Variants in PLXDC2 observed in about 807,000 individuals in gnomAD.
PLXDC2 encodes the protein plexin domain containing 2.
A neutral mutation model predicts 68.9 loss-of-function variants in PLXDC2; 40 were observed. The ratio of observed to expected loss-of-function variants is 0.58; its 90% CI spans 0.45 to 0.76. The LOEUF (loss-of-function observed/expected upper bound fraction) is 0.76, where lower values mean the gene tolerates loss of function less well. Among genes scored for constraint, PLXDC2 ranks in the 30% least tolerant of loss-of-function variants. PLXDC2 has a pLI of 0.00. For synonymous variants in PLXDC2, 243 were observed against 234.2 expected, an observed-to-expected ratio of 1.04 and a Z score of -0.34; for missense variants, 644 against 661.9, an observed-to-expected ratio of 0.97 and a Z score of 0.30.
chr10:20,231,146 A>G lies in PLXDC2; in HGVS notation c.1312+12044A>G, dbSNP rs571807349. On this transcript the variant is annotated intron_variant, in intron 12 of 13. Coordinates refer to ENST00000377252, the MANE Select transcript of PLXDC2 (RefSeq NM_032812.9). ...ATATTGTGTGCTGTAAATATATACA[A>G]TTTTTATTTGTCAATTATGCTTAAT... is the stretch of plus-strand genomic sequence containing the variant. Among the ~76,000 whole-genome samples the G allele has an allele frequency of 1.4e-4, 21 of 151,706 alleles. 2 individuals carry two copies. The South Asian group carries it at 4.4e-3, about 31-fold the overall frequency.
intron 1 of PLXDC2, among the ~76,000 whole-genome samples, chr10:19,933,680 G>A (rs562569294): frequency 1.9e-4 from 29 of 151,416 alleles, no homozygotes; most frequent in South Asian, 4.2e-4. Context: ...AAACACACAC[G>A]CGTGCACACA....
chr10:20,044,244 T>TCTTTCTTTCTTTCTTTCTTA, intron 2 of PLXDC2, among the ~76,000 whole-genome samples: 1 of 119,246 alleles, frequency 8.4e-6, no homozygotes, highest in African/African-American at 3.9e-5. Flanking sequence ...TTTCTTTCTT[T>TCTTTCTTTCTTTCTTTCTTA]CTTTCTTTCT....
At chr10:20,150,877 T>C (rs968744226) in intron 6 of PLXDC2, among the ~76,000 whole-genome samples, 1 of 152,202 alleles carries the variant, frequency 6.6e-6, no homozygotes, top group African/African-American at 2.4e-5. Context: ...TTCATTTTAA[T>C]CAAAGAAAAA....
At chr10:19,958,223 T>C (rs748988609) in intron 1 of PLXDC2, among the ~76,000 whole-genome samples, 74 of 152,192 alleles carry the variant, frequency 4.9e-4, no homozygotes, top group African/African-American at 1.6e-3. Flanking sequence ...TCAAGCCTGA[T>C]TGTATAGCAG....
chr10:20,010,054 A>G (rs1176343481), intron 2 of PLXDC2, among the ~76,000 whole-genome samples: 1 of 152,130 alleles, frequency 6.6e-6, no homozygotes. Context: ...CATTCATTTA[A>G]ATTAATCAAT....
At chr10:20,166,867 C>A (rs1293357911) in intron 7 of PLXDC2, among the ~76,000 whole-genome samples, 1 of 151,976 alleles carries the variant, frequency 6.6e-6, no homozygotes, top group East Asian at 1.9e-4. Context: ...ATAACTGTTA[C>A]GTGTTGGGGG....
At chr10:20,222,992 AGAG>A in intron 12 of PLXDC2, among the ~76,000 whole-genome samples, 1 of 152,346 alleles carries the variant, frequency 6.6e-6, no homozygotes, top group Admixed American at 6.5e-5. Flanking sequence ...AGGAGGAAGA[AGAG>A]GAGAAGGGAC....
intron 4 of PLXDC2, among the ~76,000 whole-genome samples, chr10:20,091,252 C>G (rs980396723): frequency 6.6e-6 from 1 of 152,174 alleles, no homozygotes; most frequent in Non-Finnish European, 1.5e-5. Flanking sequence ...ACCAGCATAC[C>G]TTTCCCCCTG....
chr10:20,162,299 A>G (rs1251780488), intron 6 of PLXDC2, among the ~76,000 whole-genome samples: 2 of 152,210 alleles, frequency 1.3e-5, no homozygotes. Context: ...CATGTACTAT[A>G]CATAATGACA....
intron 7 of PLXDC2, among the ~76,000 whole-genome samples, chr10:20,171,710 T>C (rs1272194708): frequency 3.3e-5 from 5 of 152,186 alleles, no homozygotes; most frequent in African/African-American, 1.2e-4. Flanking sequence ...AGGGAAGGCT[T>C]TCTTCATGGA....
intron 1 of PLXDC2, among the ~76,000 whole-genome samples, chr10:19,977,101 A>G (rs1407013869): frequency 6.6e-6 from 1 of 152,020 alleles, no homozygotes; most frequent in African/African-American, 2.4e-5. Flanking sequence ...TCACTTGTTT[A>G]TATTAGAGGC....
intron 4 of PLXDC2, among the ~76,000 whole-genome samples, chr10:20,140,801 A>G (rs750511827): frequency 1.3e-5 from 2 of 152,086 alleles, no homozygotes; most frequent in African/African-American, 2.4e-5. Flanking sequence ...AAAACAAACA[A>G]TATTCCCTGA....
chr10:20,073,745 A>G (rs563072777), intron 4 of PLXDC2, among the ~76,000 whole-genome samples: 1 of 152,204 alleles, frequency 6.6e-6, no homozygotes, highest in Non-Finnish European at 1.5e-5. Context: ...CAGTTTCATT[A>G]GTGATACCAC....
intron 1 of PLXDC2, among the ~76,000 whole-genome samples, chr10:19,842,806 T>C (rs1336983166): frequency 6.6e-6 from 1 of 152,156 alleles, no homozygotes. Context: ...TCTTGTGAAT[T>C]CTTATTAATA....
At chr10:20,210,213 TAA>T (rs1312002100) in intron 9 of PLXDC2, among the ~76,000 whole-genome samples, 1 of 152,134 alleles carries the variant, frequency 6.6e-6, no homozygotes, top group East Asian at 1.9e-4. Flanking sequence ...TGATAAAGTT[TAA>T]GTTACAAATT....
At chr10:20,270,735 G>A (rs924997925) in intron 13 of PLXDC2, among the ~76,000 whole-genome samples, 5 of 151,936 alleles carry the variant, frequency 3.3e-5, no homozygotes, top group South Asian at 2.1e-4. Flanking sequence ...AGTAGAGACG[G>A]GGTTTCACCA....
intron 6 of PLXDC2, among the ~76,000 whole-genome samples, chr10:20,160,905 C>T (rs1233074728): frequency 3.9e-5 from 6 of 152,120 alleles, no homozygotes. Flanking sequence ...AGGAGTATTG[C>T]TTAAGCCCAG....
chr10:19,857,780 G>A (rs571398903), intron 1 of PLXDC2, among the ~76,000 whole-genome samples: 108 of 152,254 alleles, frequency 7.1e-4, no homozygotes, highest in African/African-American at 2.3e-3. Flanking sequence ...AGTATTATTT[G>A]TGGGAGTAGA....
intron 2 of PLXDC2, among the ~76,000 whole-genome samples, chr10:20,013,674 A>G (rs1025323524): frequency 6.6e-6 from 1 of 152,220 alleles, no homozygotes; most frequent in Non-Finnish European, 1.5e-5. Flanking sequence ...AAGGTATCTC[A>G]CCAAACCTTC....
Sources: gnomAD v4.1 joint callset for allele counts (sites outside exome capture counted in the v4.1 genomes callset) on GRCh38, gnomAD v4.1.1 for gene constraint, MANE v1.5 for transcripts, NCBI Gene and HGNC (gene_info 2026-07-23, HGNC 2026-07-21) for gene names.